The following C3orf49 variants were observed in gnomAD, a reference collection of about 807,000 sequenced individuals.
C3orf49 encodes putative uncharacterized protein C3orf49.
Under a neutral mutation model 13.3 loss-of-function variants are expected in C3orf49, and 27 were observed. That is an observed-to-expected ratio of 2.02 (90% CI 1.49 to 2.79). The LOEUF is 2.79. Ranked by LOEUF, C3orf49 falls within the 30% of genes most tolerant of loss-of-function variation. C3orf49 has a pLI of 0.00. For missense variants in C3orf49, 242 were observed against 134.2 expected (o/e 1.80, Z -3.97); for synonymous variants, 87 against 47.6 (o/e 1.83, Z -3.40).
intron 5 of C3orf49, chr3:63,838,599 G>A: frequency 1.7e-6 from 2 of 1,155,012 alleles, no homozygotes; most frequent in Non-Finnish European, 2.4e-6. Flanking sequence ...ATTATAGCAA[G>A]TTCTGAGAGA....
At chr3:63,844,364 T>G (rs1044973224) in intron 5 of C3orf49, among the ~76,000 whole-genome samples, 5 of 152,220 alleles carry the variant, frequency 3.3e-5, no homozygotes, top group African/African-American at 1.2e-4. Flanking sequence ...TGATATGCTC[T>G]CACCACAAAA....
chr3:63,840,704 A>G (rs1359567912), intron 5 of C3orf49, among the ~76,000 whole-genome samples: 1 of 152,222 alleles, frequency 6.6e-6, no homozygotes, highest in East Asian at 1.9e-4. Flanking sequence ...CCTGGACAAA[A>G]TGATGCTGGA....
At chr3:63,807,720 G>A in the C3orf49 span, among the ~76,000 whole-genome samples, 1 of 151,620 alleles carries the variant, frequency 6.6e-6, no homozygotes, top group East Asian at 1.9e-4. Context: ...AGTCGGGCGT[G>A]GTGGTGGGCG....
upstream of C3orf49, among the ~76,000 whole-genome samples, chr3:63,815,334 G>A (rs538466240): frequency 7.6e-4 from 116 of 152,178 alleles, no homozygotes; most frequent in African/African-American, 2.6e-3. Flanking sequence ...ATATTGCCTG[G>A]ATCTGCACAC....
At chr3:63,830,494 G>C (rs925217174) in intron 3 of C3orf49, among the ~76,000 whole-genome samples, 3 of 152,074 alleles carry the variant, frequency 2.0e-5, no homozygotes, top group Non-Finnish European at 2.9e-5. Flanking sequence ...TTAAGCACAA[G>C]GGGAAGGAAG....
rs1248411536 is a variant in C3orf49, at chr3:63,837,202, T to A, written c.849+5358T>A. Among the ~76,000 whole-genome samples the A allele has an allele frequency of 3.3e-5, 5 of 152,020 alleles. No homozygotes were observed. The East Asian group carries it at 9.6e-4, about 29-fold the overall frequency. On this transcript the variant is annotated intron_variant, in intron 5 of 6. Transcript: ENST00000295896. Reference sequence around the variant, plus strand: ...ATTACAAAATAATACATGCCCTATGTAAAACAAAACAAAACAACACAAAAA... The same window carrying A: ...ATTACAAAATAATACATGCCCTATGAAAAACAAAACAAAACAACACAAAAA...
chr3:63,829,325 A>G (rs1357222891), intron 3 of C3orf49, among the ~76,000 whole-genome samples: 1 of 152,200 alleles, frequency 6.6e-6, no homozygotes, highest in African/African-American at 2.4e-5. Flanking sequence ...TGGGGTAAGG[A>G]TAATCTTTTG....
At chr3:63,827,271 A>G in intron 2 of C3orf49, 1 of 186,088 alleles carries the variant, frequency 5.4e-6, no homozygotes, top group East Asian at 1.3e-4. Flanking sequence ...TGAATACCCA[A>G]GGGAGGGCCT....
At chr3:63,832,313 T>A (rs866191599) in intron 5 of C3orf49, among the ~76,000 whole-genome samples, 7 of 152,154 alleles carry the variant, frequency 4.6e-5, no homozygotes, top group Middle Eastern at 3.4e-3. Flanking sequence ...GGCAGCATTT[T>A]AAAAAAAATT....
At chr3:63,792,507 C>T in the C3orf49 span, among the ~76,000 whole-genome samples, 1 of 152,092 alleles carries the variant, frequency 6.6e-6, no homozygotes, top group African/African-American at 2.4e-5. Context: ...AACCTTTTCC[C>T]CCCTTTCTCT....
the C3orf49 span, among the ~76,000 whole-genome samples, chr3:63,781,558 T>C: frequency 2.0e-5 from 3 of 152,192 alleles, no homozygotes; most frequent in East Asian, 1.9e-4. Flanking sequence ...GGGGATGGCA[T>C]TGAATCTATA....
the C3orf49 span, among the ~76,000 whole-genome samples, chr3:63,795,112 T>C: frequency 6.6e-6 from 1 of 152,136 alleles, no homozygotes; most frequent in Admixed American, 6.5e-5. Flanking sequence ...AAGTTTAACT[T>C]TGTAACTTCA....
At chr3:63,823,766 T>TGTG (rs1701429526) in intron 2 of C3orf49, among the ~76,000 whole-genome samples, 197 bp downstream of exon 2, 1 of 122,972 alleles carries the variant, frequency 8.1e-6, no homozygotes, top group African/African-American at 3.1e-5. Context: ...GTTCATACCG[T>TGTG]TGTGTGTGTG....
At chr3:63,787,577 C>G in the C3orf49 span, among the ~76,000 whole-genome samples, 1 of 152,086 alleles carries the variant, frequency 6.6e-6, no homozygotes, top group Admixed American at 6.6e-5. Context: ...ATGAACAACT[C>G]CCACTGTCCT....
chr3:63,847,659 C>T (rs1286879622), intron 6 of C3orf49, among the ~76,000 whole-genome samples: 2 of 152,124 alleles, frequency 1.3e-5, no homozygotes, highest in Non-Finnish European at 2.9e-5. Context: ...ATTGCTTGAA[C>T]CCAGGAGGCA....
intron 6 of C3orf49, among the ~76,000 whole-genome samples, chr3:63,845,431 G>A (rs898867329): frequency 6.6e-6 from 1 of 152,136 alleles, no homozygotes; most frequent in African/African-American, 2.4e-5. Flanking sequence ...ACAGAAATAC[G>A]GGTTGCATCC....
At chr3:63,847,107 G>A (rs1406224342) in intron 6 of C3orf49, among the ~76,000 whole-genome samples, 3 of 152,066 alleles carry the variant, frequency 2.0e-5, no homozygotes, top group Non-Finnish European at 4.4e-5. Context: ...ACCACCACTT[G>A]TGCAAATAAC....
the C3orf49 span, among the ~76,000 whole-genome samples, chr3:63,803,588 C>T: frequency 6.6e-6 from 1 of 152,214 alleles, no homozygotes; most frequent in Non-Finnish European, 1.5e-5. Flanking sequence ...TTCATGTTCA[C>T]ATTGGTCCCC....
chr3:63,842,944 G>T (rs1164962167), intron 5 of C3orf49, among the ~76,000 whole-genome samples: 1 of 151,826 alleles, frequency 6.6e-6, no homozygotes, highest in Non-Finnish European at 1.5e-5. Flanking sequence ...ATCATGCCTA[G>T]CTAATTTTTG....
Sources: gnomAD v4.1 joint callset for allele counts (sites outside exome capture counted in the v4.1 genomes callset) on GRCh38, gnomAD v4.1.1 for gene constraint, MANE v1.5 for transcripts, NCBI Gene and HGNC (gene_info 2026-07-23, HGNC 2026-07-21) for gene names.